BROX: variants seen among roughly 807,000 people sequenced by gnomAD.
The protein encoded by BROX is BRO1 domain and CAAX motif containing, also known as BRO1 domain-containing protein BROX.
BROX carries 53 observed loss-of-function variants against 61.0 expected under a neutral mutation model. That is an observed-to-expected ratio of 0.87 (90% CI 0.70 to 1.09). The LOEUF is 1.09. BROX is among the 50% of genes least tolerant of loss of function. The pLI, the probability that BROX is intolerant of heterozygous loss-of-function variation, is 0.00. For missense variants in BROX, 489 were observed against 472.0 expected (o/e 1.04, Z -0.33); for synonymous variants, 152 against 160.2 (o/e 0.95, Z 0.38).
rs1658120277 is a variant in BROX at position 222,733,798 on chromosome 1, A to G, written c.*1084A>G. ...AACTTTGTAATAGCTCTTAATGTTTATATATAAGAGAAGACAGAATGGAAA... is the reference window on the plus strand; with the variant it reads ...AACTTTGTAATAGCTCTTAATGTTTGTATATAAGAGAAGACAGAATGGAAA... On this transcript the variant is annotated 3_prime_UTR_variant, in exon 13 of 13. Transcript: ENST00000340934. 6.6e-6 allele frequency: 1 copy of G among 152,208 alleles called. No homozygotes were observed. Among genetic ancestry groups the G allele is most frequent in the Non-Finnish European group, 1.5e-5 (1 of 68,026 alleles). 9.4% of individuals were successfully genotyped at this position (152,208 alleles called of 1,614,324 possible). A position where few individuals can be genotyped will look rare whatever the true frequency, so the allele number is the denominator to read the frequency against.
chr1:222,718,424 T>G (rs1252903501), intron 2 of BROX, among the ~76,000 whole-genome samples: 1 of 152,172 alleles, frequency 6.6e-6, no homozygotes, highest in Admixed American at 6.5e-5. Context: ...TTTAAATATT[T>G]TTATGCAGTA....
At chr1:222,731,272 C>A in intron 11 of BROX, 85 bp from the exon 12 acceptor site, 2 of 1,175,794 alleles carry the variant, frequency 1.7e-6, no homozygotes, top group Non-Finnish European at 2.3e-6. Flanking sequence ...ATTAAATTGT[C>A]ATTGTCCCAA....
At chr1:222,713,010 T>C (rs2124979642) in intron 1 of BROX, 68 bp downstream of exon 1, 2 of 1,170,032 alleles carry the variant, frequency 1.7e-6, no homozygotes, top group Non-Finnish European at 1.1e-6. Context: ...TCTCAAGCAA[T>C]AGGATCACCC....
chr1:222,719,510 C>A, intron 4 of BROX, 151 bp downstream of exon 4: 1 of 598,432 alleles, frequency 1.7e-6, no homozygotes, highest in South Asian at 2.4e-5. Flanking sequence ...CATTTTACCT[C>A]AATCCTAGTA....
In BROX at chr1:222,720,563, A is replaced by G. The variant is rs1657005305; in HGVS notation, c.305+1204A>G. 5.9e-5 allele frequency among the ~76,000 whole-genome samples: 9 copies of G among 152,250 alleles called. No homozygotes were observed. In the South Asian group the frequency reaches 1.9e-3, roughly 32 times the overall value. On this transcript the variant is annotated intron_variant, in intron 4 of 12. Coordinates refer to ENST00000340934, the MANE Select transcript of BROX (RefSeq NM_144695.4). ...ACAGTGGCTCACGCCTGTAATCCCAACACTTTGGGAGACCGAGGCAGGCAG... is the reference window on the plus strand; with the variant it reads ...ACAGTGGCTCACGCCTGTAATCCCAGCACTTTGGGAGACCGAGGCAGGCAG...
chr1:222,727,304 G>C lies in BROX; in HGVS notation c.670+47G>C, dbSNP rs147747663. 4.8e-4 allele frequency: 658 copies of C among 1,382,832 alleles called. 9 individuals carry two copies. The East Asian group carries it at 0.01, about 22-fold the overall frequency. The allele number at this position is 1,382,832 out of a possible 1,614,324, so 85.7% of individuals were successfully genotyped here. ...TACATTTTTAGTCTTTAGATTTTCA[G>C]ATTTATTTGATCTTGAATAGGGAAC... is the stretch of plus-strand genomic sequence containing the variant. On this transcript the variant is annotated intron_variant, in intron 8 of 12. Coordinates refer to ENST00000340934, the MANE Select transcript of BROX (RefSeq NM_144695.4).
At chr1:222,714,456 C>T (rs1407529007) in intron 1 of BROX, among the ~76,000 whole-genome samples, 1 of 151,580 alleles carries the variant, frequency 6.6e-6, no homozygotes, top group African/African-American at 2.4e-5. Context: ...CCTCGGCCTC[C>T]CAAAGTGCTG....
In BROX at chr1:222,729,682, T is replaced by A. The variant is rs778685807; in HGVS notation, c.819T>A (p.Ser273=). ...ATAAATGCGGTGAAGCAATCAGGTCTCTCCAAGAAGCAGAAAAATGTAAGT... is the reference window on the plus strand; with the variant it reads ...ATAAATGCGGTGAAGCAATCAGGTCACTCCAAGAAGCAGAAAAATGTAAGT... The part of the protein sequence containing the change: ...ASDKCGEAIR[S]LQEAEKLYAK... The change falls in exon 10 of 13, where the codon TCT becomes TCA. Residue 273 remains serine, a synonymous_variant. Coordinates refer to ENST00000340934, the MANE Select transcript of BROX (RefSeq NM_144695.4). 4 of 1,611,764 alleles carry A rather than the reference T, an allele frequency of 2.5e-6. No individual in the cohort carries two copies. The South Asian group carries it at 4.4e-5, about 18-fold the overall frequency.
rs903756830 is a variant in BROX, at chr1:222,728,818, A to G, written c.746A>G (p.Tyr249Cys). The change falls in exon 9 of 13, where the codon TAC (tyrosine) becomes TGC (cysteine). Residue 249 changes from tyrosine to cysteine, a missense_variant. By Grantham distance (194) the Tyr-to-Cys change is radical. Transcript: ENST00000340934. ...TATCTTCACTTGAAGATGTGTTTCT[A>G]CACAGCTTATGTAAGTATTCACAAC... Reference protein sequence around the residue: ...RKYLHLKMCFYTAYAYCYHGE... With the variant: ...RKYLHLKMCFCTAYAYCYHGE... The G allele has an allele frequency of 6.3e-7, 1 of 1,595,794 alleles. No individual in the cohort carries two copies. Among genetic ancestry groups the G allele is most frequent in the Non-Finnish European group, 8.6e-7 (1 of 1,166,474 alleles).
chr1:222,732,840 C>A lies in BROX; in HGVS notation c.*126C>A. On this transcript the variant is annotated 3_prime_UTR_variant, in exon 13 of 13. Coordinates refer to ENST00000340934, the MANE Select transcript of BROX (RefSeq NM_144695.4). The stretch of plus-strand genomic sequence containing the variant: ...ACTATTATATTCAGAGGGTTATCTG[C>A]CTTCAGCTTACTTGTTCTTAATTTT... The A allele has an allele frequency of 4.2e-6, 3 of 715,804 alleles. No homozygotes were observed. The highest frequency in any genetic ancestry group is 6.8e-6 in the Non-Finnish European group (3 of 440,714). 44.3% of individuals were successfully genotyped at this position (715,804 alleles called of 1,614,324 possible). A position where few individuals can be genotyped will look rare whatever the true frequency, so the allele number is the denominator to read the frequency against.
At position 222,719,276 on chromosome 1, in the gene BROX, T is replaced by G; in HGVS notation, c.222T>G (p.Ser74=). 6.3e-7 allele frequency: 1 copy of G among 1,590,146 alleles called. No individual in the cohort carries two copies. Among genetic ancestry groups the G allele is most frequent in the Non-Finnish European group, 8.6e-7 (1 of 1,158,604 alleles). Residue 74 remains serine, a synonymous_variant, in exon 4 of 13, where the codon TCT becomes TCG. Transcript: ENST00000340934. ...YFSLLQGFIN[S]LDESTQESKL... is the part of the protein sequence containing the mutation. ...ACTTTTCTATAGGTTTCATAAATTC[T>G]TTGGATGAATCTACCCAAGAAAGCA...
rs1354526898 is a variant in BROX at position 222,724,088 on chromosome 1, T to G, written c.402-4T>G. 1 of 1,599,776 alleles carries G rather than the reference T, an allele frequency of 6.3e-7. No individual in the cohort carries two copies. The highest frequency in any genetic ancestry group is 1.3e-5 in the African/African-American group (1 of 74,188). ...CTCTAACTAATGTAACCCCTATCTT[T>G]AAGTATAACAGAAGATGAAGCAAAA... is the stretch of plus-strand genomic sequence containing the variant. On this transcript the variant is annotated splice_region_variant and splice_polypyrimidine_tract_variant and intron_variant, in intron 5 of 12. Coordinates refer to ENST00000340934, the MANE Select transcript of BROX (RefSeq NM_144695.4).
chr1:222,731,815 A>C (rs918395546), intron 12 of BROX, among the ~76,000 whole-genome samples: 1 of 152,232 alleles, frequency 6.6e-6, no homozygotes, highest in Non-Finnish European at 1.5e-5. Flanking sequence ...ATCCATGTTT[A>C]TACTGCTATA....
chr1:222,730,842 A>C (rs1017042777), intron 11 of BROX, among the ~76,000 whole-genome samples: 17 of 152,070 alleles, frequency 1.1e-4, no homozygotes, highest in Non-Finnish European at 2.4e-4. Context: ...CCTCCTTTGC[A>C]TATTCGTCTC....
chr1:222,731,418 G>A lies in BROX; in HGVS notation c.1051G>A (p.Val351Ile), dbSNP rs375089146. Residue 351 changes from valine to isoleucine, a missense_variant, in exon 12 of 13, where the codon GTA (valine) becomes ATA (isoleucine). By Grantham distance (29) the Val-to-Ile change is conservative. Transcript: ENST00000340934. ...GGAACTCAAAGCAAATTATGGTCTC[G>A]TAGAGCCTATACCTTTCGAATTTCC... ...QLELKANYGL[V>I]EPIPFEFPPT... is the part of the protein sequence containing the mutation. 2.2e-5 allele frequency: 35 copies of A among 1,593,610 alleles called. No individual in the cohort carries two copies. The highest frequency in any genetic ancestry group is 8.1e-5 in the South Asian group (7 of 86,060).
At chr1:222,731,587 A>T (rs1179111956) in intron 12 of BROX, 71 bp downstream of exon 12, 32 of 1,476,628 alleles carry the variant, frequency 2.2e-5, no homozygotes, top group African/African-American at 2.9e-5. Flanking sequence ...TAGCATTTTG[A>T]TATTTTTCTC....
At chr1:222,713,139 AGCTAG>A in intron 1 of BROX, 197 bp downstream of exon 1, 1 of 983,358 alleles carries the variant, frequency 1.0e-6, no homozygotes, top group Non-Finnish European at 1.2e-6. Flanking sequence ...TGGCATTAAC[AGCTAG>A]ATCCGCTGAA....
chr1:222,728,505 A>G (rs1440560993), intron 8 of BROX, among the ~76,000 whole-genome samples: 1 of 152,118 alleles, frequency 6.6e-6, no homozygotes, highest in Non-Finnish European at 1.5e-5. Context: ...CATTATCTTT[A>G]ACTTAAAGTT....
In BROX at chr1:222,715,761, A is replaced by G. The variant is rs370523578; in HGVS notation, c.62A>G (p.Tyr21Cys). The change falls in exon 2 of 13, where the codon TAT (tyrosine) becomes TGT (cysteine). Residue 21 changes from tyrosine to cysteine, a missense_variant. Tyr to Cys is a radical substitution (Grantham distance 194, BLOSUM62 -2). Transcript: ENST00000340934. ...ACAGCTCCTGTGTCTTTTAATTACT[A>G]TGGTGTAGTCACTGGCCCTTCTGCT... ...KATAPVSFNY[Y>C]GVVTGPSASK... The G allele has an allele frequency of 1.6e-5, 25 of 1,596,224 alleles. No individual in the cohort carries two copies. The highest frequency in any genetic ancestry group is 2.1e-5 in the Non-Finnish European group (25 of 1,169,858).
Sources: gnomAD v4.1 joint callset for allele counts (sites outside exome capture counted in the v4.1 genomes callset) on GRCh38, gnomAD v4.1.1 for gene constraint, MANE v1.5 for transcripts, NCBI Gene and HGNC (gene_info 2026-07-23, HGNC 2026-07-21) for gene names.